APBA2: variants seen among roughly 807,000 people sequenced by gnomAD.
APBA2 encodes amyloid-beta A4 precursor protein-binding family A member 2.
Under a neutral mutation model 75.0 loss-of-function variants are expected in APBA2, and 30 were observed. That is an observed-to-expected ratio of 0.40 (90% confidence interval 0.30 to 0.54). The LOEUF (loss-of-function observed/expected upper bound fraction) is 0.54. APBA2 is among the 20% of genes least tolerant of loss of function. The pLI is 0.49. For missense variants in APBA2, 801 were observed against 1,016.1 expected, an observed-to-expected ratio of 0.79 and a Z score of 2.88; for synonymous variants, 444 against 409.6, an observed-to-expected ratio of 1.08 and a Z score of -1.01.
chr15:29,092,447 C>T (rs1304695148), intron 6 of APBA2, among the ~76,000 whole-genome samples: 1 of 152,182 alleles, frequency 6.6e-6, no homozygotes, highest in African/African-American at 2.4e-5. Flanking sequence ...TGCTCAAAGC[C>T]ACATGTGGGT....
At chr15:28,984,718 TG>T (rs1169726036) in intron 2 of APBA2, among the ~76,000 whole-genome samples, 2 of 151,094 alleles carry the variant, frequency 1.3e-5, no homozygotes, top group African/African-American at 4.9e-5. Flanking sequence ...CTGCCATCTC[TG>T]GGGGTTGGGA....
At chr15:28,955,135 C>T (rs1047431588) in intron 2 of APBA2, among the ~76,000 whole-genome samples, 3 of 152,064 alleles carry the variant, frequency 2.0e-5, no homozygotes, top group Non-Finnish European at 4.4e-5. Context: ...TGATTTTCAA[C>T]CCCGTAAAAA....
At chr15:29,044,565 C>T (rs1350998499) in intron 3 of APBA2, 1 of 152,098 alleles carries the variant, frequency 6.6e-6, no homozygotes. Flanking sequence ...AGCCCCCAGC[C>T]CCCACTGTAG....
intron 2 of APBA2, among the ~76,000 whole-genome samples, chr15:28,955,715 G>A (rs1486938759): frequency 2.0e-5 from 3 of 151,764 alleles, no homozygotes; most frequent in Non-Finnish European, 4.4e-5. Context: ...ACATATGAGT[G>A]ATTTGCATTA....
In APBA2 at chr15:28,918,418, C is replaced by G. The variant is rs74489448; in HGVS notation, c.-204-3222C>G. On this transcript the variant is annotated intron_variant, in intron 1 of 14. Coordinates refer to ENST00000683413, the MANE Select transcript of APBA2 (RefSeq NM_001353788.2). This position sits in a 1 kb window ranked among gnomAD's most constrained non-coding sequence, Gnocchi z 4.2. ...GCAGCCTTGATGCGCAACGCCCCCT[C>G]CAGGCCCCGAGTCCCTGTCCTTGGA... Among the ~76,000 whole-genome samples, 7,776 of 152,212 alleles carry G rather than the reference C, an allele frequency of 0.051. 427 individuals carry two copies. The highest frequency in any genetic ancestry group is 0.19 in the East Asian group (992 of 5,150).
At chr15:29,047,366 C>G (rs1303962334) in intron 3 of APBA2, among the ~76,000 whole-genome samples, 2 of 152,124 alleles carry the variant, frequency 1.3e-5, no homozygotes, top group Admixed American at 6.5e-5. Flanking sequence ...GCATTGTAGT[C>G]ATGGTGAAAA....
chr15:29,078,327 AG>A (rs2042936962), intron 6 of APBA2, among the ~76,000 whole-genome samples: 1 of 147,474 alleles, frequency 6.8e-6, no homozygotes, highest in Non-Finnish European at 1.5e-5. Flanking sequence ...AAAAGTCTAG[AG>A]GTGGCCAGGC....
intron 2 of APBA2, among the ~76,000 whole-genome samples, chr15:28,925,660 G>T (rs766437498): frequency 2.6e-5 from 4 of 152,168 alleles, no homozygotes; most frequent in Non-Finnish European, 5.9e-5. Context: ...TAGTTGGATG[G>T]AATATTCTAT....
chr15:29,050,961 G>A (rs1402836604), intron 3 of APBA2, among the ~76,000 whole-genome samples: 3 of 131,432 alleles, frequency 2.3e-5, no homozygotes, highest in Admixed American at 2.1e-4. Flanking sequence ...TGTACCATCT[G>A]CCCTTTGCCG....
chr15:29,111,228 G>T (rs1052447289), intron 13 of APBA2, among the ~76,000 whole-genome samples: 1 of 152,044 alleles, frequency 6.6e-6, no homozygotes, highest in African/African-American at 2.4e-5. Flanking sequence ...TGAAACTTGG[G>T]GGGTGGTCTG....
rs748704832 is a variant in APBA2 at position 29,105,536 on chromosome 15, C to CT, written c.1682_1683insT (p.Asn562LysfsTer129). ...TACAACGACGACCTCATCCACTTCT[C>CT]AAACTCGGAGAACTGCAAGGAGGTA... On this transcript the variant is annotated frameshift_variant, in exon 11 of 15. Transcript: ENST00000683413. LOFTEE classifies it high-confidence loss of function. 1 of 1,613,666 alleles carries CT rather than the reference C, an allele frequency of 6.2e-7. No individual in the cohort carries two copies. The highest frequency in any genetic ancestry group is 2.2e-5 in the East Asian group (1 of 44,866).
intron 3 of APBA2, among the ~76,000 whole-genome samples, chr15:29,006,573 G>T (rs1405283242): frequency 6.6e-6 from 1 of 152,172 alleles, no homozygotes; most frequent in African/African-American, 2.4e-5. Context: ...GTTCCACATG[G>T]CTGGGGAGGC....
chr15:28,927,395 C>G (rs568449862), intron 2 of APBA2, among the ~76,000 whole-genome samples: 35 of 151,344 alleles, frequency 2.3e-4, no homozygotes, highest in African/African-American at 7.8e-4. Context: ...GTTCTTTGAG[C>G]CTCCATGGTC....
chr15:28,933,588 G>A (rs2034679152), intron 2 of APBA2, among the ~76,000 whole-genome samples: 1 of 152,230 alleles, frequency 6.6e-6, no homozygotes, highest in African/African-American at 2.4e-5. Context: ...TGCTAGTAAA[G>A]ACAGTTGTAG....
In APBA2 at chr15:28,991,193, C is replaced by T. The variant is rs970665804; in HGVS notation, c.-94-4560C>T. On this transcript the variant is annotated intron_variant, in intron 2 of 14. Coordinates refer to ENST00000683413, the MANE Select transcript of APBA2 (RefSeq NM_001353788.2). The surrounding 1 kb of genome is among the most constrained non-coding windows in gnomAD (Gnocchi z 4.7). ...GGCCCTCCTCTGCCTGTCTCAGCAC[C>T]ATCTCTGTGTGTCCCATCAGGAAGC... Among the ~76,000 whole-genome samples, 1 of 152,316 alleles carries T rather than the reference C, an allele frequency of 6.6e-6. No individual in the cohort carries two copies. The highest frequency in any genetic ancestry group is 6.5e-5 in the Admixed American group (1 of 15,300).
intron 2 of APBA2, among the ~76,000 whole-genome samples, chr15:28,977,700 AC>A (rs937742752): frequency 6.6e-6 from 1 of 151,962 alleles, no homozygotes; most frequent in African/African-American, 2.4e-5. Context: ...AAAGTGAGCC[AC>A]CCTCCCAATG....
chr15:29,054,178 C>T lies in APBA2; in HGVS notation c.294C>T (p.Thr98=), dbSNP rs751199564. The change falls in exon 4 of 15, where the codon ACC becomes ACT. Residue 98 remains threonine (T), a synonymous_variant. Transcript: ENST00000683413. The surrounding 1 kb of genome is among the most constrained non-coding windows in gnomAD (Gnocchi z 6.1). ...EGLPEEEEGI[T]YYIRYCPEDD... ...TCCCTGAGGAGGAGGAGGGCATCAC[C>T]TACTACATCCGCTACTGCCCTGAGG... 5.6e-6 allele frequency: 9 copies of T among 1,614,098 alleles called. No individual in the cohort carries two copies. The highest frequency in any genetic ancestry group is 7.6e-6 in the Non-Finnish European group (9 of 1,180,036).
At chr15:28,900,816 C>T (rs2152629820) in intron 1 of APBA2, among the ~76,000 whole-genome samples, 1 of 152,272 alleles carries the variant, frequency 6.6e-6, no homozygotes, top group South Asian at 2.1e-4. Flanking sequence ...GGCAGAGAGG[C>T]AGGCACTCAC....
At chr15:28,975,881 T>C (rs2037311705) in intron 2 of APBA2, among the ~76,000 whole-genome samples, 1 of 152,228 alleles carries the variant, frequency 6.6e-6, no homozygotes, top group Non-Finnish European at 1.5e-5. Context: ...GGCGAGGCTG[T>C]GGAGCAGCCA....
Sources: gnomAD v4.1 joint callset for allele counts (sites outside exome capture counted in the v4.1 genomes callset) on GRCh38, gnomAD v4.1.1 for gene constraint, Gnocchi (gnomAD v3.1) non-coding constraint, MANE v1.5 for transcripts, NCBI Gene and HGNC (gene_info 2026-07-23, HGNC 2026-07-21) for gene names.